The following FGF13 variants were observed in gnomAD, a reference collection of about 807,000 sequenced individuals.
FGF13 encodes fibroblast growth factor homologous factor 2.
FGF13 carries 2 observed loss-of-function variants against 19.5 expected under a neutral mutation model. The observed-to-expected ratio is 0.10, with a 90% confidence interval of 0.04 to 0.32. FGF13 has a LOEUF of 0.32. Ranked by LOEUF, FGF13 falls within the 10% of genes least tolerant of loss-of-function variation. FGF13 has a pLI of 1.00. For missense variants in FGF13, 113 were observed against 192.7 expected, an observed-to-expected ratio of 0.59 and a Z score of 2.45; for synonymous variants, 72 against 76.9, an observed-to-expected ratio of 0.94 and a Z score of 0.33.
At chrX:138,739,121 C>T (rs188993259) in intron 1 of FGF13, 84 of 467,717 alleles carry the variant, frequency 1.8e-4, no homozygotes, top group Non-Finnish European at 2.6e-4. Flanking sequence ...CCATCCAGAA[C>T]GAAAAATATC....
chrX:138,990,615 C>T (rs1189051101), intron 1 of FGF13: 1 of 110,707 alleles, frequency 9.0e-6, no homozygotes, highest in African/African-American at 3.3e-5. Context: ...TGCAGAGAAA[C>T]TCCTGTTTTC....
intron 3 of FGF13, among the ~76,000 whole-genome samples, chrX:138,644,624 C>G (rs745668195): frequency 6.3e-4 from 70 of 111,658 alleles, no homozygotes; most frequent in African/African-American, 2.2e-3. Context: ...TGGATAGCAG[C>G]TCTGTTACAT....
chrX:138,689,712 T>G (rs887705829), intron 3 of FGF13, among the ~76,000 whole-genome samples: 9 of 112,150 alleles, frequency 8.0e-5, no homozygotes, highest in African/African-American at 2.6e-4. Context: ...CTATTTGCTC[T>G]CCATGTGGAC....
chrX:138,870,882 C>T (rs1011001915), intron 1 of FGF13, among the ~76,000 whole-genome samples: 1 of 111,895 alleles, frequency 8.9e-6, no homozygotes, highest in Admixed American at 9.5e-5. Context: ...ATCTCCATTC[C>T]GCAAGGAATT....
intron 3 of FGF13, among the ~76,000 whole-genome samples, chrX:138,789,847 C>T (rs1249484941): frequency 4.7e-5 from 5 of 106,814 alleles, no homozygotes; most frequent in African/African-American, 1.7e-4. Flanking sequence ...AGATCGAGAC[C>T]ATCCTGGCTA....
chrX:138,663,107 T>C (rs899992772), intron 3 of FGF13, among the ~76,000 whole-genome samples: 1 of 111,709 alleles, frequency 9.0e-6, no homozygotes, highest in African/African-American at 3.3e-5. Flanking sequence ...AGGCCTCTAC[T>C]CACAGTTAAG....
intron 1 of FGF13, among the ~76,000 whole-genome samples, chrX:138,937,729 T>C (rs960310332): frequency 1.8e-5 from 2 of 112,062 alleles, no homozygotes; most frequent in African/African-American, 6.5e-5. Flanking sequence ...AGAGTAACTC[T>C]AGGTGAACAA....
intron 3 of FGF13, among the ~76,000 whole-genome samples, chrX:138,764,448 G>A (rs759891236): frequency 3.5e-5 from 4 of 112,775 alleles, no homozygotes; most frequent in Non-Finnish European, 7.5e-5. Flanking sequence ...AACTGTGGCC[G>A]CAAGGTCAAA....
intron 3 of FGF13, among the ~76,000 whole-genome samples, chrX:138,765,823 C>T: frequency 9.0e-6 from 1 of 111,571 alleles, no homozygotes; most frequent in East Asian, 2.8e-4. Context: ...TCGTGTGCAA[C>T]TCTTCCTCTC....
chrX:138,734,126 T>G (rs1054958889), intron 1 of FGF13, among the ~76,000 whole-genome samples: 1 of 111,806 alleles, frequency 8.9e-6, no homozygotes, highest in African/African-American at 3.2e-5. Flanking sequence ...ACTATTATTG[T>G]AGGTTCTCAC....
At chrX:138,790,063 AAAAAAAAC>A (rs1362559277) in intron 3 of FGF13, among the ~76,000 whole-genome samples, 40 of 94,278 alleles carry the variant, frequency 4.2e-4, no homozygotes, top group African/African-American at 1.5e-3. Context: ...AAAAAAAAAA[AAAAAAAAC>A]AAACACACAC....
chrX:138,740,755 G>C (rs936782889), upstream of FGF13, among the ~76,000 whole-genome samples: 1 of 112,232 alleles, frequency 8.9e-6, no homozygotes, highest in Admixed American at 9.4e-5. Context: ...AGCGGCAAAG[G>C]GCCATGCTCT....
At chrX:139,111,926 G>A (rs909053704) in intron 1 of FGF13, among the ~76,000 whole-genome samples, 2 of 111,753 alleles carry the variant, frequency 1.8e-5, no homozygotes, top group Non-Finnish European at 3.8e-5. Context: ...TCCTCCCCCA[G>A]CCTGGGCTGT....
chrX:138,822,638 G>C (rs1221062836), intron 3 of FGF13, among the ~76,000 whole-genome samples: 1 of 112,011 alleles, frequency 8.9e-6, no homozygotes, highest in African/African-American at 3.2e-5. Context: ...CTTGAAAGAA[G>C]GGCAACAGAT....
intron 1 of FGF13, among the ~76,000 whole-genome samples, chrX:138,961,495 G>C (rs2091869810): frequency 9.0e-6 from 1 of 111,437 alleles, no homozygotes; most frequent in African/African-American, 3.3e-5. Context: ...CTCAAACTCT[G>C]TGCTTGGAGA....
intron 1 of FGF13, among the ~76,000 whole-genome samples, chrX:139,064,055 T>A (rs1449753959): frequency 1.8e-5 from 2 of 110,959 alleles, no homozygotes; most frequent in Non-Finnish European, 3.8e-5. Context: ...AGGATGGTTA[T>A]TTTGTGTATG....
intron 3 of FGF13, among the ~76,000 whole-genome samples, chrX:138,825,999 C>T (rs943585750): frequency 2.7e-5 from 3 of 111,331 alleles, no homozygotes; most frequent in Admixed American, 9.5e-5. Context: ...CCTATGAGGA[C>T]GTCTAGACCT....
chrX:139,144,991 T>A (rs987580088), intron 1 of FGF13, among the ~76,000 whole-genome samples: 1 of 112,124 alleles, frequency 8.9e-6, no homozygotes, highest in Non-Finnish European at 1.9e-5. Context: ...GAAAAATAAC[T>A]AAAGTTTTAT....
intron 1 of FGF13, among the ~76,000 whole-genome samples, chrX:138,909,257 C>T (rs780631059): frequency 2.8e-4 from 31 of 111,892 alleles, no homozygotes; most frequent in African/African-American, 8.1e-4. Flanking sequence ...TGCTCTCACC[C>T]GGAGTGGGAG....
Sources: allele counts gnomAD v4.1 joint callset (sites outside exome capture counted in the v4.1 genomes callset), GRCh38; gene constraint gnomAD v4.1.1; transcripts MANE v1.5; gene names NCBI Gene and HGNC (gene_info 2026-07-23, HGNC 2026-07-21).